PPP1R15B: variants seen among roughly 807,000 people sequenced by gnomAD.
PPP1R15B encodes the protein protein phosphatase 1, regulatory (inhibitor) subunit 15B.
Under a neutral mutation model 53.9 loss-of-function variants are expected in PPP1R15B, and 31 were observed. The observed-to-expected ratio is 0.58, with a 90% CI of 0.43 to 0.78. PPP1R15B has a LOEUF of 0.78. PPP1R15B is among the 30% of genes least tolerant of loss of function. PPP1R15B has a pLI of 0.00. For synonymous variants in PPP1R15B, 345 were observed against 329.1 expected (o/e 1.05, Z -0.52); for missense variants, 928 against 849.6 (o/e 1.09, Z -1.15).
chr1:204,410,572 C>T lies in PPP1R15B; in HGVS notation c.840G>A (p.Gln280=), dbSNP rs1276498077. 1 of 1,613,832 alleles carries T rather than the reference C, an allele frequency of 6.2e-7. No individual in the cohort carries two copies. Among genetic ancestry groups the T allele is most frequent in the African/African-American group, 1.3e-5 (1 of 74,920 alleles). ...CTTCCGTAGAAAGAGGTGGACATCC[C>T]TGCCACGAGGCCGGAATGAGTTCTG... ...LSAELIPASW[Q]GCPPLSTEGL... is the part of the protein sequence containing the mutation. Residue 280 remains glutamine, a synonymous_variant, in exon 1 of 2, where the codon CAG becomes CAA. Transcript: ENST00000367188.
intron 1 of PPP1R15B, 38 bp from the exon 2 acceptor site, chr1:204,406,351 A>C (rs747204754): frequency 3.7e-6 from 6 of 1,605,870 alleles, no homozygotes; most frequent in Non-Finnish European, 5.1e-6. Context: ...ACTGTCTAGG[A>C]TCTTACAATC....
rs1558217542 is a variant in PPP1R15B at position 204,411,081 on chromosome 1, C to T, written c.331G>A (p.Gly111Arg). The T allele has an allele frequency of 6.2e-7, 1 of 1,614,204 alleles. No individual in the cohort carries two copies. The highest frequency in any genetic ancestry group is 8.5e-7 in the Non-Finnish European group (1 of 1,180,036). The change falls in exon 1 of 2, where the codon GGA becomes AGA. Residue 111 changes from glycine (G) to arginine (R), a missense_variant. Transcript: ENST00000367188. Reference protein sequence around the residue: ...GVYSALRALKGREKPAAPTAQ... With the variant: ...GVYSALRALKRREKPAAPTAQ... ...GTGGGGGCGGCTGGTTTCTCCCGTC[C>T]CTTCAGGGCTCTCAGGGCGCTGTAG...
downstream of PPP1R15B, among the ~76,000 whole-genome samples, chr1:204,402,877 A>G (rs1402307114): frequency 6.6e-6 from 1 of 151,894 alleles, no homozygotes; most frequent in African/African-American, 2.4e-5. Context: ...ATCGAGAACA[A>G]CCTGGCCAAC....
At chr1:204,403,039 T>C (rs1444236330), downstream of PPP1R15B, among the ~76,000 whole-genome samples, 1 of 152,088 alleles carries the variant, frequency 6.6e-6, no homozygotes, top group Non-Finnish European at 1.5e-5. Context: ...GCCACTTCAA[T>C]GCAGCCTGGG....
At chr1:204,396,635 C>T (rs929160850), downstream of PPP1R15B, among the ~76,000 whole-genome samples, 5 of 151,474 alleles carry the variant, frequency 3.3e-5, no homozygotes, top group East Asian at 9.7e-4. Flanking sequence ...TACAAAAGAA[C>T]ATAAGGGAAC....
Position 204,410,422 on chromosome 1 carries a change from G to C in PPP1R15B, c.990C>G (p.Ser330Arg). Residue 330 changes from serine (S) to arginine (R), a missense_variant, in exon 1 of 2, where the codon AGC becomes AGG. Physicochemically the swap from Ser to Arg is moderately radical, Grantham distance 110. Transcript: ENST00000367188. Reference protein sequence around the residue: ...NGYHSLEEEHSLLRMDPKHCR... With the variant: ...NGYHSLEEEHRLLRMDPKHCR... Reference sequence around the variant, plus strand: ...AGTGTTTTGGATCCATCCGGAGAAGGCTGTGTTCCTCCTCCAGGCTGTGGT... The same window carrying C: ...AGTGTTTTGGATCCATCCGGAGAAGCCTGTGTTCCTCCTCCAGGCTGTGGT... 6.2e-7 allele frequency: 1 copy of C among 1,614,228 alleles called. No individual in the cohort carries two copies. The highest frequency in any genetic ancestry group is 8.5e-7 in the Non-Finnish European group (1 of 1,180,040).
At chr1:204,398,061 G>T (rs1674118085), downstream of PPP1R15B, among the ~76,000 whole-genome samples, 1 of 152,190 alleles carries the variant, frequency 6.6e-6, no homozygotes, top group South Asian at 2.1e-4. Context: ...TACCACTTGA[G>T]TTAAAGAAAA....
At chr1:204,397,399 G>A (rs911307715), downstream of PPP1R15B, among the ~76,000 whole-genome samples, 16 of 151,802 alleles carry the variant, frequency 1.1e-4, no homozygotes, top group African/African-American at 3.9e-4. Context: ...GGTGGCACGC[G>A]CCTGTAGTCC....
chr1:204,401,715 C>G (rs1356547990), downstream of PPP1R15B, among the ~76,000 whole-genome samples: 1 of 152,124 alleles, frequency 6.6e-6, no homozygotes. Context: ...ATCTAAATTT[C>G]TGAGGTCTCA....
At chr1:204,407,538 C>T (rs1674286631) in intron 1 of PPP1R15B, among the ~76,000 whole-genome samples, 2 of 152,170 alleles carry the variant, frequency 1.3e-5, no homozygotes, top group East Asian at 1.9e-4. Flanking sequence ...CTACTACTTT[C>T]GTTCCCTTTA....
At chr1:204,396,487 A>G (rs1674102125), downstream of PPP1R15B, among the ~76,000 whole-genome samples, 1 of 151,264 alleles carries the variant, frequency 6.6e-6, no homozygotes, top group Admixed American at 6.6e-5. Flanking sequence ...CAGGGAGATA[A>G]GGCTGCAGTG....
At chr1:204,401,858 C>T (rs1674183886), downstream of PPP1R15B, among the ~76,000 whole-genome samples, 1 of 152,134 alleles carries the variant, frequency 6.6e-6, no homozygotes, top group African/African-American at 2.4e-5. Context: ...GAGGTTGAGG[C>T]TGTTGAGGCT....
chr1:204,402,358 T>C (rs979340479), downstream of PPP1R15B, among the ~76,000 whole-genome samples: 2 of 152,148 alleles, frequency 1.3e-5, no homozygotes, highest in African/African-American at 4.8e-5. Context: ...TCTGATAACA[T>C]TTATTCTTTT....
Position 204,409,867 on chromosome 1 carries a change from A to G in PPP1R15B, c.1545T>C (p.Ser515=). Residue 515 remains serine (S), a synonymous_variant, in exon 1 of 2, where the codon TCT becomes TCC. Coordinates refer to ENST00000367188, the MANE Select transcript of PPP1R15B (RefSeq NM_032833.5). ...AGGAATTCTCTAGATCAGACTTGCC[A>G]GACAAATCCTTCTCTGAATCAGAAG... ...EEPSDSEKDL[S]GKSDLENSSQ... The G allele has an allele frequency of 1.2e-6, 2 of 1,614,168 alleles. No individual in the cohort carries two copies. Among genetic ancestry groups the G allele is most frequent in the Non-Finnish European group, 1.7e-6 (2 of 1,180,028 alleles).
rs189286072 is a variant in PPP1R15B, at chr1:204,406,898, C to A, written c.1921-585G>T. ...ATAATATACACACACAGTCGTCTGC[C>A]CCCCCCAATCCCCCACCAGCCCTTG... On this transcript the variant is annotated intron_variant, in intron 1 of 1. Transcript: ENST00000367188. Among the ~76,000 whole-genome samples, 22 of 151,872 alleles carry A rather than the reference C, an allele frequency of 1.4e-4. No homozygotes were observed. In the East Asian group the frequency reaches 2.1e-3, roughly 15 times the overall value.
rs1413000928 is a variant in PPP1R15B, at chr1:204,411,755, G to A, written c.-344C>T. On this transcript the variant is annotated 5_prime_UTR_variant, in exon 1 of 2. Transcript: ENST00000367188. ...ACTGACAGAGGGTTGAAAAGCCCCT[G>A]AGCAACGCGATACCGGAAGGACTGG... 2.9e-6 allele frequency: 1 copy of A among 350,078 alleles called. No homozygotes were observed. Among genetic ancestry groups the A allele is most frequent in the African/African-American group, 2.1e-5 (1 of 47,120 alleles). The allele number at this position is 350,078 out of a possible 1,614,324, so 21.7% of individuals were successfully genotyped here.
In PPP1R15B at chr1:204,410,767, A is replaced by C; in HGVS notation, c.645T>G (p.Asn215Lys). Reference sequence around the variant, plus strand: ...TCAGCAAATAGGATACCACACTGAAATTGTCTATGCGTTGAATGTTTAGAG... The same window carrying C: ...TCAGCAAATAGGATACCACACTGAACTTGTCTATGCGTTGAATGTTTAGAG... ...SGPLNIQRID[N>K]FSVVSYLLNP... The change falls in exon 1 of 2, where the codon AAT becomes AAG. Residue 215 changes from asparagine to lysine, a missense_variant. Transcript: ENST00000367188. The C allele has an allele frequency of 3.1e-6, 5 of 1,614,176 alleles. No individual in the cohort carries two copies. The Middle Eastern group carries it at 4.9e-4, about 160-fold the overall frequency.
rs1674324385 is a variant in PPP1R15B at position 204,409,622 on chromosome 1, G to A, written c.1790C>T (p.Ala597Val). Reference sequence around the variant, plus strand: ...AAGTAAGGTGTGACACTCAGAAATGGCCACAATGGACTCAGATGGGGTCTT... The same window carrying A: ...AAGTAAGGTGTGACACTCAGAAATGACCACAATGGACTCAGATGGGGTCTT... ...DSKTPSESIVAISECHTLLSC... is the reference protein window; with the variant it reads ...DSKTPSESIVVISECHTLLSC... Residue 597 changes from alanine to valine, a missense_variant, in exon 1 of 2, where the codon GCC becomes GTC. By Grantham distance (64) the Ala-to-Val change is moderately conservative. Coordinates refer to ENST00000367188, the MANE Select transcript of PPP1R15B (RefSeq NM_032833.5). 1.2e-6 allele frequency: 2 copies of A among 1,614,064 alleles called. No individual in the cohort carries two copies. The highest frequency in any genetic ancestry group is 1.7e-6 in the Non-Finnish European group (2 of 1,180,010).
chr1:204,406,203 T>C lies in PPP1R15B; in HGVS notation c.2031A>G (p.Gln677=), dbSNP rs1366804367. The change falls in exon 2 of 2, where the codon CAA becomes CAG. Residue 677 remains glutamine (Q), a synonymous_variant. Coordinates refer to ENST00000367188, the MANE Select transcript of PPP1R15B (RefSeq NM_032833.5). ...AATATCCAATAGCATCTTCTGTTTC[T>C]TGAATTCGTTTCTGGAACCTGCATC... The part of the protein sequence containing the change: ...RDGCRFQKRI[Q]ETEDAIGYCL... The C allele has an allele frequency of 5.0e-6, 8 of 1,614,080 alleles. No individual in the cohort carries two copies. The highest frequency in any genetic ancestry group is 1.3e-5 in the African/African-American group (1 of 74,936).
Sources: allele counts gnomAD v4.1 joint callset (sites outside exome capture counted in the v4.1 genomes callset), GRCh38; gene constraint gnomAD v4.1.1; transcripts MANE v1.5; gene names NCBI Gene and HGNC (gene_info 2026-07-23, HGNC 2026-07-21).